Variants in MS4A8 observed in about 807,000 individuals in gnomAD.
MS4A8 encodes the protein membrane spanning 4-domains A8.
In MS4A8, 27 loss-of-function variants were observed where a neutral mutation model predicts 23.7. The observed-to-expected ratio is 1.14, with a 90% CI of 0.84 to 1.57. The LOEUF is 1.57. Ranked by LOEUF, MS4A8 falls within the 40% of genes most tolerant of loss-of-function variation. The pLI, the probability that MS4A8 is intolerant of heterozygous loss-of-function variation, is 0.00. For synonymous variants in MS4A8, 138 were observed against 126.3 expected (o/e 1.09, Z -0.62); for missense variants, 301 against 311.4 (o/e 0.97, Z 0.25).
intron 5 of MS4A8, among the ~76,000 whole-genome samples, chr11:60,711,227 C>T (rs1369696560): frequency 6.6e-6 from 1 of 152,198 alleles, no homozygotes. Context: ...AAGCATTTGT[C>T]AAGGAATAAA....
intron 1 of MS4A8, among the ~76,000 whole-genome samples, chr11:60,700,605 T>G (rs2088194277): frequency 6.6e-6 from 1 of 152,204 alleles, no homozygotes; most frequent in African/African-American, 2.4e-5. Flanking sequence ...ATGGACCCCT[T>G]GCCCTCTGGT....
chr11:60,710,621 T>G (rs563367280), intron 5 of MS4A8, among the ~76,000 whole-genome samples: 1 of 152,300 alleles, frequency 6.6e-6, no homozygotes, highest in South Asian at 2.1e-4. Context: ...CCCTTTCTCC[T>G]ACTCTGGGCT....
intron 4 of MS4A8, among the ~76,000 whole-genome samples, 170 bp from the exon 5 acceptor site, chr11:60,708,480 A>G (rs562533195): frequency 6.6e-6 from 1 of 152,366 alleles, no homozygotes; most frequent in East Asian, 1.9e-4. Context: ...GATGTGTTTA[A>G]TGCTACTGAA....
chr11:60,704,173 C>A (rs1245252930), intron 3 of MS4A8, among the ~76,000 whole-genome samples: 1 of 140,932 alleles, frequency 7.1e-6, no homozygotes. Context: ...CAAGCTGGAG[C>A]GCAGTGGTGC....
intron 5 of MS4A8, 133 bp from the exon 6 acceptor site, chr11:60,714,888 T>C (rs1011342826): frequency 2.7e-5 from 18 of 658,566 alleles, no homozygotes; most frequent in Admixed American, 1.2e-4. Context: ...GGTGGGAAAT[T>C]TCCCCCCACG....
rs371352560 is a variant in MS4A8, at chr11:60,715,366, G to A, written c.705G>A (p.Pro235=). The change falls in exon 7 of 7, where the codon CCG becomes CCA. Residue 235 remains proline (P), a synonymous_variant. Coordinates refer to ENST00000300226, the MANE Select transcript of MS4A8 (RefSeq NM_031457.2). The stretch of plus-strand genomic sequence containing the variant: ...CAAACCCAGTGATCACCCCAGAACC[G>A]GTGACCTCACCACCAAGTTATTCCA... ...YAANPVITPE[P]VTSPPSYSSE... is the part of the protein sequence containing the mutation. 1.6e-5 allele frequency: 26 copies of A among 1,613,884 alleles called. No homozygotes were observed. Among genetic ancestry groups the A allele is most frequent in the African/African-American group, 2.7e-5 (2 of 74,868 alleles).
intron 5 of MS4A8, 21 bp downstream of exon 5, chr11:60,708,802 A>C (rs778373980): frequency 6.2e-7 from 1 of 1,613,544 alleles, no homozygotes; most frequent in South Asian, 1.1e-5. Context: ...CTCTCAACCA[A>C]AGATCCTCTA....
Position 60,715,498 on chromosome 11 carries a change from T to G in MS4A8, c.*84T>G. ...GGGCTTCCATAACCCAGGTCGTTCC[T>G]GTTCTGACAGCTGAGGAAACGTCTC... On this transcript the variant is annotated 3_prime_UTR_variant, in exon 7 of 7. Coordinates refer to ENST00000300226, the MANE Select transcript of MS4A8 (RefSeq NM_031457.2). 1 of 1,025,154 alleles carries G rather than the reference T, an allele frequency of 9.8e-7. No homozygotes were observed. The allele number at this position is 1,025,154 out of a possible 1,614,324, so 63.5% of individuals were successfully genotyped here. A position where few individuals can be genotyped will look rare whatever the true frequency, so the allele number is the denominator to read the frequency against.
intron 5 of MS4A8, among the ~76,000 whole-genome samples, chr11:60,713,775 A>G (rs2088318869): frequency 1.3e-5 from 2 of 151,868 alleles, no homozygotes; most frequent in Admixed American, 1.3e-4. Flanking sequence ...CATATTTCAG[A>G]CTATCACATG....
intron 4 of MS4A8, among the ~76,000 whole-genome samples, chr11:60,707,476 C>T (rs749529483): frequency 5.9e-5 from 9 of 152,154 alleles, no homozygotes; most frequent in Non-Finnish European, 1.2e-4. Flanking sequence ...CTCAGTCACT[C>T]GCTTTCCTAA....
At chr11:60,705,085 G>A (rs2088244643) in intron 3 of MS4A8, among the ~76,000 whole-genome samples, 2 of 152,228 alleles carry the variant, frequency 1.3e-5, no homozygotes, top group African/African-American at 4.8e-5. Context: ...AAATAAAATA[G>A]CCTAGAGCTA....
intron 4 of MS4A8, 98 bp downstream of exon 4, chr11:60,707,145 T>C: frequency 9.0e-7 from 1 of 1,106,022 alleles, no homozygotes; most frequent in East Asian, 2.4e-5. Context: ...CCCCCAGCCT[T>C]GCACCTACTA....
intron 4 of MS4A8, 78 bp from the exon 5 acceptor site, chr11:60,708,572 G>A (rs2088276396): frequency 1.4e-6 from 2 of 1,417,838 alleles, no homozygotes; most frequent in African/African-American, 2.9e-5. Flanking sequence ...GGGGGAAAAA[G>A]AAACACTTGT....
At chr11:60,714,490 T>C (rs1294586028) in intron 5 of MS4A8, among the ~76,000 whole-genome samples, 1 of 152,182 alleles carries the variant, frequency 6.6e-6, no homozygotes, top group East Asian at 1.9e-4. Flanking sequence ...TTCAGAGGGA[T>C]GGTGGAGGTT....
rs1002389014 is a variant in MS4A8 at position 60,708,702 on chromosome 11, G to C, written c.455G>C (p.Gly152Ala). The stretch of plus-strand genomic sequence containing the variant: ...GTCAGTGCAATCTGCTCTGCAGTTG[G>C]AGTCATACTCTTCATCACAGATCTA... ...NIVSAICSAV[G>A]VILFITDLSI... Residue 152 changes from glycine (G) to alanine (A), a missense_variant, in exon 5 of 7, where the codon GGA becomes GCA. By Grantham distance (60) the Gly-to-Ala change is moderately conservative. Coordinates refer to ENST00000300226, the MANE Select transcript of MS4A8 (RefSeq NM_031457.2). The C allele has an allele frequency of 6.2e-7, 1 of 1,605,312 alleles. No individual in the cohort carries two copies. The highest frequency in any genetic ancestry group is 8.5e-7 in the Non-Finnish European group (1 of 1,176,712).
chr11:60,707,855 A>C lies in MS4A8; in HGVS notation c.403-795A>C, dbSNP rs184415920. The stretch of plus-strand genomic sequence containing the variant: ...TTTTTTGTGTGTGTGTGTGAGACAG[A>C]GTCTCACTGTGTCCCCCAGGCTGGA... On this transcript the variant is annotated intron_variant, in intron 4 of 6. Coordinates refer to ENST00000300226, the MANE Select transcript of MS4A8 (RefSeq NM_031457.2). Among the ~76,000 whole-genome samples, 4 of 116,866 alleles carry C rather than the reference A, an allele frequency of 3.4e-5. No homozygotes were observed. In the East Asian group the frequency reaches 1.1e-3, roughly 31 times the overall value. 76.7% of individuals were successfully genotyped at this position (116,866 alleles called of 152,430 possible).
intron 3 of MS4A8, among the ~76,000 whole-genome samples, chr11:60,704,265 C>T (rs958022537): frequency 5.9e-5 from 9 of 151,760 alleles, no homozygotes; most frequent in Middle Eastern, 3.4e-3. Context: ...GGATTACAGA[C>T]GCGCACCACC....
chr11:60,715,027 G>A lies in MS4A8; in HGVS notation c.541G>A (p.Gly181Arg). The change falls in exon 6 of 7, where the codon GGA becomes AGA. Residue 181 changes from glycine (G) to arginine (R), a missense_variant. Gly to Arg is a moderately radical substitution (Grantham distance 125). Transcript: ENST00000300226. The part of the protein sequence containing the change: ...YYPYAWGVNP[G>R]MAISGVLLVF... ...CCATCTGCTCTGCCTACAGAACCCT[G>A]GAATGGCGATTTCTGGCGTGCTGCT... The A allele has an allele frequency of 6.2e-7, 1 of 1,613,656 alleles. No homozygotes were observed. The highest frequency in any genetic ancestry group is 8.5e-7 in the Non-Finnish European group (1 of 1,179,624).
intron 5 of MS4A8, among the ~76,000 whole-genome samples, chr11:60,713,245 C>T (rs914746461): frequency 1.3e-5 from 2 of 152,040 alleles, no homozygotes; most frequent in African/African-American, 2.4e-5. Flanking sequence ...GAACAAGAGA[C>T]TTGGAAAAGA....
Sources: allele counts gnomAD v4.1 joint callset (sites outside exome capture counted in the v4.1 genomes callset), GRCh38; gene constraint gnomAD v4.1.1; transcripts MANE v1.5; gene names NCBI Gene and HGNC (gene_info 2026-07-23, HGNC 2026-07-21).